The following RGCC variants were observed in gnomAD, a reference collection of about 807,000 sequenced individuals.
The protein encoded by RGCC is regulator of cell cycle, also known as regulator of cell cycle RGCC.
Under a neutral mutation model 15.4 loss-of-function variants are expected in RGCC, and 15 were observed. That is an observed-to-expected ratio of 0.97 (90% CI 0.65 to 1.50). The LOEUF is 1.50. Ranked by LOEUF, RGCC falls within the 40% of genes most tolerant of loss-of-function variation. RGCC has a pLI of 0.00. For missense variants in RGCC, 176 were observed against 189.7 expected, an observed-to-expected ratio of 0.93 and a Z score of 0.42; for synonymous variants, 81 against 78.0, an observed-to-expected ratio of 1.04 and a Z score of -0.20.
chr13:41,457,780 C>T lies in RGCC; in HGVS notation c.49+24C>T, dbSNP rs2139571321. The T allele has an allele frequency of 7.3e-7, 1 of 1,374,778 alleles. No individual in the cohort carries two copies. Among genetic ancestry groups the T allele is most frequent in the South Asian group, 1.9e-5 (1 of 53,702 alleles). 85.2% of individuals were successfully genotyped at this position (1,374,778 alleles called of 1,614,324 possible). A position where few individuals can be genotyped will look rare whatever the true frequency, so the allele number is the denominator to read the frequency against. ...AGGTGAGTGCGGGGTCCGGGGTCCC[C>T]TTAAAGTCTCGGCTCTGCAGATGGC... On this transcript the variant is annotated intron_variant, in intron 1 of 4. Coordinates refer to ENST00000379359, the MANE Select transcript of RGCC (RefSeq NM_014059.3). The surrounding 1 kb of genome is among the most constrained non-coding windows in gnomAD (Gnocchi z 4.9).
At position 41,457,735 on chromosome 13, in the gene RGCC, CCCGCGGCCG is replaced by C. The variant is rs978459576; in HGVS notation, c.39_47del (p.Ala15_Ala17del). ...GAAGCCGCCCGCGGCGCAGGGCAGC[CCCGCGGCCG>C]CCGCGGCCGCAGGTGAGTGCGGGGT... is the stretch of plus-strand genomic sequence containing the variant. On this transcript the variant is annotated inframe_deletion, in exon 1 of 5. Transcript: ENST00000379359. This position sits in a 1 kb window ranked among gnomAD's most constrained non-coding sequence, Gnocchi z 4.9. 1.5e-5 allele frequency: 21 copies of C among 1,407,458 alleles called. 2 individuals carry two copies. Among genetic ancestry groups the C allele is most frequent in the South Asian group, 1.3e-4 (8 of 61,626 alleles). 87.2% of individuals were successfully genotyped at this position (1,407,458 alleles called of 1,614,324 possible).
At position 41,457,702 on chromosome 13, in the gene RGCC, C is replaced by T; in HGVS notation, c.-6C>T. The T allele has an allele frequency of 6.7e-7, 1 of 1,486,060 alleles. No individual in the cohort carries two copies. Among genetic ancestry groups the T allele is most frequent in the Non-Finnish European group, 8.9e-7 (1 of 1,119,668 alleles). The allele number at this position is 1,486,060 out of a possible 1,614,324, so 92.1% of individuals were successfully genotyped here. ...CCACGCGCGCCGGGCCCAGCTGAGC[C>T]GCCTCATGAAGCCGCCCGCGGCGCA... On this transcript the variant is annotated 5_prime_UTR_variant, in exon 1 of 5. Transcript: ENST00000379359. This position sits in a 1 kb window ranked among gnomAD's most constrained non-coding sequence, Gnocchi z 4.9.
intron 2 of RGCC, among the ~76,000 whole-genome samples, chr13:41,463,755 C>T (rs73181129): frequency 0.031 from 4,677 of 152,248 alleles, 101 homozygotes; most frequent in Non-Finnish European, 0.05. Context: ...ATCTACGGCT[C>T]ATTCTCTACA....
rs934608033 is a variant in RGCC, at chr13:41,457,764, C to T, written c.49+8C>T. 15 of 1,380,856 alleles carry T rather than the reference C, an allele frequency of 1.1e-5. No individual in the cohort carries two copies. Among genetic ancestry groups the T allele is most frequent in the Middle Eastern group, 4.2e-4 (2 of 4,782 alleles). The allele number at this position is 1,380,856 out of a possible 1,614,324, so 85.5% of individuals were successfully genotyped here. A position where few individuals can be genotyped will look rare whatever the true frequency, so the allele number is the denominator to read the frequency against. On this transcript the variant is annotated splice_region_variant and intron_variant, in intron 1 of 4. Coordinates refer to ENST00000379359, the MANE Select transcript of RGCC (RefSeq NM_014059.3). This position sits in a 1 kb window ranked among gnomAD's most constrained non-coding sequence, Gnocchi z 4.9. ...CGGCCGCCGCGGCCGCAGGTGAGTGCGGGGTCCGGGGTCCCCTTAAAGTCT... is the reference window on the plus strand; with the variant it reads ...CGGCCGCCGCGGCCGCAGGTGAGTGTGGGGTCCGGGGTCCCCTTAAAGTCT...
chr13:41,462,888 G>A (rs2139574870), intron 2 of RGCC, among the ~76,000 whole-genome samples: 1 of 152,296 alleles, frequency 6.6e-6, no homozygotes, highest in Non-Finnish European at 1.5e-5. Context: ...GTACCTCTAT[G>A]TTGAGAGTTT....
intron 2 of RGCC, among the ~76,000 whole-genome samples, chr13:41,466,448 G>C (rs1314173806): frequency 1.3e-5 from 2 of 152,086 alleles, no homozygotes; most frequent in South Asian, 4.2e-4. Context: ...GAGTGCAGTG[G>C]TGTGATCTTG....
intron 2 of RGCC, among the ~76,000 whole-genome samples, chr13:41,463,617 CTCCCTCACTGTGGGAG>C (rs2043833192): frequency 6.6e-6 from 1 of 152,034 alleles, no homozygotes; most frequent in Admixed American, 6.5e-5. Flanking sequence ...CCTCCTCTTC[CTCCCTCACTGTGGGAG>C]TGGCTGTCAG....
intron 3 of RGCC, among the ~76,000 whole-genome samples, chr13:41,468,563 T>A (rs1295736653): frequency 6.6e-6 from 1 of 152,238 alleles, no homozygotes; most frequent in African/African-American, 2.4e-5. Flanking sequence ...GAGTTTACTG[T>A]ATCAAAACAC....
At chr13:41,468,314 C>T (rs1288817372) in intron 3 of RGCC, among the ~76,000 whole-genome samples, 4 of 152,246 alleles carry the variant, frequency 2.6e-5, no homozygotes, top group Admixed American at 1.3e-4. Flanking sequence ...ATCTAGGTGT[C>T]TGCTCTGCAC....
At chr13:41,464,935 C>T (rs1401976720) in intron 2 of RGCC, among the ~76,000 whole-genome samples, 1 of 151,676 alleles carries the variant, frequency 6.6e-6, no homozygotes, top group Non-Finnish European at 1.5e-5. Context: ...GAGCAGGGGG[C>T]AGGTGGGCCC....
At chr13:41,462,210 G>A (rs926198072) in intron 2 of RGCC, among the ~76,000 whole-genome samples, 14 of 152,100 alleles carry the variant, frequency 9.2e-5, no homozygotes, top group African/African-American at 3.4e-4. Context: ...GGAGCCTTGG[G>A]TAAGGTTTAC....
chr13:41,468,972 G>A (rs911422843), intron 4 of RGCC, 134 bp downstream of exon 4: 18 of 658,938 alleles, frequency 2.7e-5, no homozygotes, highest in African/African-American at 3.7e-5. Flanking sequence ...TTAGAAACAG[G>A]ACCCTAGGCC....
intron 2 of RGCC, among the ~76,000 whole-genome samples, chr13:41,462,953 G>A (rs758692865): frequency 1.8e-4 from 27 of 152,180 alleles, no homozygotes; most frequent in Non-Finnish European, 3.5e-4. Flanking sequence ...TCTTAAGAAT[G>A]TTGCTGCTCT....
intron 4 of RGCC, 109 bp from the exon 5 acceptor site, chr13:41,470,369 C>G: frequency 1.8e-6 from 2 of 1,094,548 alleles, no homozygotes; most frequent in Non-Finnish European, 2.8e-6. Context: ...GTGTGGGAAG[C>G]CCAGCATTGA....
Position 41,468,757 on chromosome 13 carries a change from T to TCC in RGCC, c.344-17_344-16dup. 2.6e-6 allele frequency: 4 copies of TCC among 1,567,920 alleles called. No individual in the cohort carries two copies. Among genetic ancestry groups the TCC allele is most frequent in the South Asian group, 1.1e-5 (1 of 90,128 alleles). Reference sequence around the variant, plus strand: ...ACTGAACTCTCTCTCTCTCTCTCTCTCCCTCTCCTGTTTCACAGCTAAATT... The same window carrying TCC: ...ACTGAACTCTCTCTCTCTCTCTCTCTCCCCCTCTCCTGTTTCACAGCTAAATT... On this transcript the variant is annotated intron_variant, in intron 3 of 4. Coordinates refer to ENST00000379359, the MANE Select transcript of RGCC (RefSeq NM_014059.3).
chr13:41,468,688 C>T (rs151334557), intron 3 of RGCC, 88 bp from the exon 4 acceptor site: 37 of 988,782 alleles, frequency 3.7e-5, no homozygotes, highest in Non-Finnish European at 5.4e-5. Context: ...TTCCAACTTC[C>T]TGGAAAACTC....
intron 3 of RGCC, among the ~76,000 whole-genome samples, chr13:41,467,718 C>G (rs368303741): frequency 5.3e-4 from 80 of 152,288 alleles, no homozygotes; most frequent in African/African-American, 1.9e-3. Flanking sequence ...TCAGAAGAGG[C>G]ATTTGAAAGT....
chr13:41,460,626 G>T (rs1001086263), intron 2 of RGCC, among the ~76,000 whole-genome samples: 1 of 152,182 alleles, frequency 6.6e-6, no homozygotes, highest in African/African-American at 2.4e-5. Flanking sequence ...CATCTGGCAG[G>T]GTCAGTAGAG....
intron 2 of RGCC, among the ~76,000 whole-genome samples, chr13:41,465,846 C>T (rs1361296778): frequency 6.6e-6 from 1 of 152,114 alleles, no homozygotes; most frequent in African/African-American, 2.4e-5. Flanking sequence ...AAAGATCTCT[C>T]TTGAGCAGGG....
Sources: gnomAD v4.1 joint callset for allele counts (sites outside exome capture counted in the v4.1 genomes callset) on GRCh38, gnomAD v4.1.1 for gene constraint, Gnocchi (gnomAD v3.1) non-coding constraint, MANE v1.5 for transcripts, NCBI Gene and HGNC (gene_info 2026-07-23, HGNC 2026-07-21) for gene names.